CIDEA: variants seen among roughly 807,000 people sequenced by gnomAD.
CIDEA encodes lipid transferase CIDEA.
In CIDEA, 10 loss-of-function variants were observed where a neutral mutation model predicts 18.2. The observed-to-expected ratio is 0.55, with a 90% CI of 0.34 to 0.93. The LOEUF (loss-of-function observed/expected upper bound fraction) is 0.93, where lower values mean the gene tolerates loss of function less well. Ranked by LOEUF, CIDEA falls within the 40% of genes least tolerant of loss-of-function variation. The pLI is 0.02. For synonymous variants in CIDEA, 128 were observed against 124.8 expected (o/e 1.03, Z -0.17); for missense variants, 309 against 293.1 (o/e 1.05, Z -0.40).
At chr18:12,264,622 C>T (rs1370222723) in intron 3 of CIDEA, among the ~76,000 whole-genome samples, 169 bp downstream of exon 3, 5 of 151,770 alleles carry the variant, frequency 3.3e-5, no homozygotes, top group South Asian at 2.1e-4. Context: ...GGCGCGATCT[C>T]GGCTCACTGC....
At chr18:12,256,890 C>T (rs184984124) in intron 1 of CIDEA, among the ~76,000 whole-genome samples, 51 of 152,294 alleles carry the variant, frequency 3.3e-4, no homozygotes, top group Non-Finnish European at 5.6e-4. Context: ...CTTTAGGTAG[C>T]TTGCGAAGAA....
intron 1 of CIDEA, among the ~76,000 whole-genome samples, chr18:12,258,149 G>A (rs1324917978): frequency 6.6e-6 from 1 of 152,204 alleles, no homozygotes; most frequent in Non-Finnish European, 1.5e-5. Context: ...TCTTGGTTTG[G>A]AAATGCTACA....
chr18:12,270,162 A>T (rs956737803), intron 3 of CIDEA, among the ~76,000 whole-genome samples: 8 of 152,216 alleles, frequency 5.3e-5, no homozygotes, highest in Non-Finnish European at 1.2e-4. Flanking sequence ...GAGAAAAGTA[A>T]GGGGAAAACG....
intron 1 of CIDEA, among the ~76,000 whole-genome samples, chr18:12,257,169 C>T (rs558366400): frequency 1.4e-4 from 22 of 152,278 alleles, no homozygotes; most frequent in Admixed American, 1.4e-3. Flanking sequence ...CTCACACTTC[C>T]CTCCTTGGCA....
Position 12,254,379 on chromosome 18 carries a change from G to T in CIDEA, c.-5G>T, listed in dbSNP as rs145988603. The T allele has an allele frequency of 6.7e-5, 103 of 1,535,648 alleles. No homozygotes were observed. The African/African-American group carries it at 1.2e-3, about 18-fold the overall frequency. On this transcript the variant is annotated 5_prime_UTR_variant, in exon 1 of 5. Transcript: ENST00000320477. ...GACCTCCAGGCCCGCTAGGGGATCC[G>T]CGCCATGGAGGCCGCCCGGGACTAT...
intron 1 of CIDEA, among the ~76,000 whole-genome samples, chr18:12,255,358 G>A (rs1334316167): frequency 6.6e-6 from 1 of 152,144 alleles, no homozygotes; most frequent in Admixed American, 6.5e-5. Flanking sequence ...GAAAGGGAGC[G>A]GTCCGGCTAC....
At chr18:12,265,352 G>T (rs572081994) in intron 3 of CIDEA, among the ~76,000 whole-genome samples, 1 of 152,236 alleles carries the variant, frequency 6.6e-6, no homozygotes, top group Non-Finnish European at 1.5e-5. Context: ...AGAGGAACAC[G>T]AACACTGAAG....
intron 3 of CIDEA, among the ~76,000 whole-genome samples, chr18:12,273,137 G>A (rs1238236630): frequency 6.6e-6 from 1 of 152,200 alleles, no homozygotes. Flanking sequence ...TGTCTGTATG[G>A]TGGGACAGGG....
At chr18:12,269,188 A>AT (rs1912444678) in intron 3 of CIDEA, among the ~76,000 whole-genome samples, 1 of 152,170 alleles carries the variant, frequency 6.6e-6, no homozygotes, top group Admixed American at 6.5e-5. Context: ...GAGGAACGGC[A>AT]TTTTTTACAT....
At chr18:12,266,910 G>A (rs570041391) in intron 3 of CIDEA, among the ~76,000 whole-genome samples, 3 of 151,998 alleles carry the variant, frequency 2.0e-5, no homozygotes, top group African/African-American at 7.2e-5. Context: ...ACAGGCACGT[G>A]CCACCACGCC....
intron 4 of CIDEA, among the ~76,000 whole-genome samples, chr18:12,274,698 T>C (rs7230480): frequency 0.77 from 116,934 of 152,096 alleles, 45,145 homozygotes; most frequent in East Asian, 0.87. Flanking sequence ...ACTTCAGCCT[T>C]ACCAGTAATG....
At chr18:12,260,928 G>A (rs1403984916) in intron 1 of CIDEA, among the ~76,000 whole-genome samples, 2 of 152,162 alleles carry the variant, frequency 1.3e-5, no homozygotes, top group South Asian at 2.1e-4. Flanking sequence ...GGTGCTCTCC[G>A]GGGTGAGGGA....
intron 3 of CIDEA, among the ~76,000 whole-genome samples, chr18:12,265,239 C>T (rs1170311706): frequency 6.6e-6 from 1 of 152,220 alleles, no homozygotes; most frequent in African/African-American, 2.4e-5. Flanking sequence ...GTATAAAATG[C>T]CTAAAAATGT....
chr18:12,277,348 A>G lies in CIDEA; in HGVS notation c.*78A>G. 2.0e-6 allele frequency: 3 copies of G among 1,523,432 alleles called. No homozygotes were observed. The highest frequency in any genetic ancestry group is 1.2e-5 in the South Asian group (1 of 86,538). The allele number at this position is 1,523,432 out of a possible 1,614,324, so 94.4% of individuals were successfully genotyped here. A position where few individuals can be genotyped will look rare whatever the true frequency, so the allele number is the denominator to read the frequency against. Reference sequence around the variant, plus strand: ...AATGACGAATGTTGAAGATGCTTTTATGTTCTGAGCCACATGCACTTGGAG... The same window carrying G: ...AATGACGAATGTTGAAGATGCTTTTGTGTTCTGAGCCACATGCACTTGGAG... On this transcript the variant is annotated 3_prime_UTR_variant, in exon 5 of 5. Transcript: ENST00000320477.
intron 4 of CIDEA, among the ~76,000 whole-genome samples, chr18:12,276,395 C>T (rs1012549082): frequency 2.6e-5 from 4 of 152,100 alleles, no homozygotes; most frequent in Non-Finnish European, 5.9e-5. Flanking sequence ...TGGACTCAAG[C>T]GATCCTCCCA....
intron 3 of CIDEA, 136 bp downstream of exon 3, chr18:12,264,589 T>C: frequency 1.5e-6 from 1 of 675,806 alleles, no homozygotes; most frequent in South Asian, 2.2e-5. Context: ...AGTCTCGCTC[T>C]GTCACCCAGG....
intron 3 of CIDEA, among the ~76,000 whole-genome samples, chr18:12,266,816 A>G (rs12454535): frequency 0.011 from 1,593 of 149,804 alleles, 68 homozygotes; most frequent in Admixed American, 0.077. Flanking sequence ...GCTTGAGTGC[A>G]GTGGTGTGAT....
intron 1 of CIDEA, among the ~76,000 whole-genome samples, chr18:12,261,564 T>A (rs528404235): frequency 2.6e-5 from 4 of 152,186 alleles, no homozygotes; most frequent in African/African-American, 9.6e-5. Flanking sequence ...CCTTTTCTTT[T>A]CTTTTTTCTT....
At chr18:12,267,675 A>G (rs1354333741) in intron 3 of CIDEA, among the ~76,000 whole-genome samples, 2 of 152,112 alleles carry the variant, frequency 1.3e-5, no homozygotes, top group Non-Finnish European at 2.9e-5. Context: ...TTGTATTTTT[A>G]GTAGAGACAG....
Sources: gnomAD v4.1 joint callset for allele counts (sites outside exome capture counted in the v4.1 genomes callset) on GRCh38, gnomAD v4.1.1 for gene constraint, MANE v1.5 for transcripts, NCBI Gene and HGNC (gene_info 2026-07-23, HGNC 2026-07-21) for gene names.